ZNF407: variants seen among roughly 807,000 people sequenced by gnomAD.
The protein encoded by ZNF407 is zinc finger protein 407.
ZNF407 carries 17 observed loss-of-function variants against 131.2 expected under a neutral mutation model. That is an observed-to-expected ratio of 0.13 (90% CI 0.09 to 0.19). The LOEUF is 0.19. ZNF407 is among the 10% of genes least tolerant of loss of function. The pLI is 1.00. For missense variants in ZNF407, 2,681 were observed against 2,830.6 expected (o/e 0.95, Z 1.20); for synonymous variants, 1,156 against 1,062.0 (o/e 1.09, Z -1.72).
Position 74,817,305 on chromosome 18 carries a change from G to A in ZNF407, c.4877+35803G>A, listed in dbSNP as rs571097231. 3.3e-5 allele frequency among the ~76,000 whole-genome samples: 5 copies of A among 152,192 alleles called. No individual in the cohort carries two copies. In the East Asian group the frequency reaches 9.7e-4, roughly 29 times the overall value. ...CTATAGTCCTGTTGTTTTTCTTATT[G>A]TGTCTGAATGATGTCTGAATACAAA... On this transcript the variant is annotated intron_variant, in intron 4 of 8. Coordinates refer to ENST00000299687, the MANE Select transcript of ZNF407 (RefSeq NM_017757.3).
At chr18:74,709,156 A>G (rs1029197711) in intron 3 of ZNF407, among the ~76,000 whole-genome samples, 1 of 152,228 alleles carries the variant, frequency 6.6e-6, no homozygotes, top group Non-Finnish European at 1.5e-5. Flanking sequence ...TAAAACAAAT[A>G]AAATATCAAG....
chr18:74,922,805 C>G (rs4891200), intron 8 of ZNF407, among the ~76,000 whole-genome samples: 24,352 of 152,088 alleles, frequency 0.16, 2,231 homozygotes, highest in Admixed American at 0.27. Flanking sequence ...ATGAACTATC[C>G]CTAGTCCCTG....
At chr18:74,887,484 A>G (rs987568301) in intron 6 of ZNF407, among the ~76,000 whole-genome samples, 2 of 152,144 alleles carry the variant, frequency 1.3e-5, no homozygotes, top group Non-Finnish European at 2.9e-5. Context: ...AAGTCAAACA[A>G]ATATTTCCTG....
At chr18:74,800,330 G>A (rs2848880) in intron 4 of ZNF407, among the ~76,000 whole-genome samples, 1 of 152,002 alleles carries the variant, frequency 6.6e-6, no homozygotes, top group African/African-American at 2.4e-5. Context: ...TTGCTGATTA[G>A]ATTGTACTCT....
intron 3 of ZNF407, among the ~76,000 whole-genome samples, chr18:74,700,816 C>G (rs1016100772): frequency 3.3e-5 from 5 of 152,060 alleles, no homozygotes; most frequent in African/African-American, 1.2e-4. Flanking sequence ...GCTTCTGGAA[C>G]CTGTTCTTTT....
chr18:74,884,472 CAA>C (rs1971281045), intron 6 of ZNF407, among the ~76,000 whole-genome samples: 1 of 152,132 alleles, frequency 6.6e-6, no homozygotes, highest in Admixed American at 6.5e-5. Flanking sequence ...CTTAAGCTAT[CAA>C]GAGCTCAGAT....
chr18:74,819,718 G>A (rs914550039), intron 4 of ZNF407, among the ~76,000 whole-genome samples: 1 of 152,208 alleles, frequency 6.6e-6, no homozygotes, highest in East Asian at 1.9e-4. Flanking sequence ...ACCGAAACGT[G>A]TAGGTGGTCT....
At chr18:74,900,247 GT>G (rs1313311426) in intron 7 of ZNF407, among the ~76,000 whole-genome samples, 5 of 152,122 alleles carry the variant, frequency 3.3e-5, no homozygotes, top group African/African-American at 4.8e-5. Context: ...CTATTGTCCT[GT>G]GGGTCGTCTC....
chr18:74,959,339 C>A (rs1342074465), intron 8 of ZNF407, among the ~76,000 whole-genome samples: 1 of 152,172 alleles, frequency 6.6e-6, no homozygotes, highest in Admixed American at 6.6e-5. Flanking sequence ...ATAAAAACTT[C>A]CTTTCTACTG....
intron 3 of ZNF407, among the ~76,000 whole-genome samples, chr18:74,669,464 C>T (rs2089059523): frequency 1.3e-5 from 2 of 152,162 alleles, no homozygotes; most frequent in Admixed American, 1.3e-4. Context: ...CTTAGGGTAG[C>T]GTTCCCAATC....
chr18:74,705,182 C>G (rs1250884267), intron 3 of ZNF407, among the ~76,000 whole-genome samples: 1 of 150,530 alleles, frequency 6.6e-6, no homozygotes, highest in Admixed American at 6.6e-5. Flanking sequence ...GTCCAACAGG[C>G]TGATAAGGTA....
At chr18:74,757,148 A>G (rs149248916) in intron 3 of ZNF407, among the ~76,000 whole-genome samples, 56 of 151,910 alleles carry the variant, frequency 3.7e-4, no homozygotes, top group African/African-American at 1.3e-3. Context: ...TTGCTTTTCT[A>G]GTTTTAGTTA....
chr18:74,809,977 C>T (rs1007413496), intron 4 of ZNF407, among the ~76,000 whole-genome samples: 2 of 152,118 alleles, frequency 1.3e-5, no homozygotes, highest in East Asian at 3.9e-4. Flanking sequence ...TGTGATGGTG[C>T]CTTTAACTGA....
intron 2 of ZNF407, among the ~76,000 whole-genome samples, chr18:74,639,411 G>A (rs1984607000): frequency 6.6e-6 from 1 of 152,136 alleles, no homozygotes; most frequent in Non-Finnish European, 1.5e-5. Context: ...TAAAGTGTTG[G>A]TAAATTGGTT....
chr18:74,754,957 C>T (rs542748575), intron 3 of ZNF407, among the ~76,000 whole-genome samples: 1 of 152,270 alleles, frequency 6.6e-6, no homozygotes, highest in South Asian at 2.1e-4. Flanking sequence ...GTGTTAAAGT[C>T]TCCCATTATT....
intron 4 of ZNF407, among the ~76,000 whole-genome samples, chr18:74,866,341 T>A (rs1162502177): frequency 6.6e-6 from 1 of 152,198 alleles, no homozygotes; most frequent in Non-Finnish European, 1.5e-5. Context: ...GGGTAATACA[T>A]CTCAACCTTT....
chr18:74,882,523 A>G (rs574582001), intron 6 of ZNF407, among the ~76,000 whole-genome samples: 1 of 152,354 alleles, frequency 6.6e-6, no homozygotes, highest in South Asian at 2.1e-4. Flanking sequence ...TCTGTGCCCA[A>G]TATGGCATTT....
chr18:75,002,217 T>C (rs1317053871), intron 8 of ZNF407, among the ~76,000 whole-genome samples: 1 of 152,236 alleles, frequency 6.6e-6, no homozygotes, highest in Non-Finnish European at 1.5e-5. Context: ...AGTTTGACTG[T>C]TAGAGCTCCT....
rs1003768424 is a variant in ZNF407 at position 74,695,444 on chromosome 18, A to AT, written c.4802+54331dup. ...TGGTTAATGTGCACCAGCTAAGACTATTTTTTTTTCCTTCTTCATTCTTCC... is the reference window on the plus strand; with the variant it reads ...TGGTTAATGTGCACCAGCTAAGACTATTTTTTTTTTCCTTCTTCATTCTTCC... On this transcript the variant is annotated intron_variant, in intron 3 of 8. Coordinates refer to ENST00000299687, the MANE Select transcript of ZNF407 (RefSeq NM_017757.3). 8.5e-4 allele frequency among the ~76,000 whole-genome samples: 122 copies of AT among 144,048 alleles called. 1 individual carries two copies. Among genetic ancestry groups the AT allele is most frequent in the African/African-American group, 2.8e-3 (108 of 38,804 alleles). The allele number at this position is 144,048 out of a possible 152,430, so 94.5% of individuals were successfully genotyped here. A position where few individuals can be genotyped will look rare whatever the true frequency, so the allele number is the denominator to read the frequency against.
Sources: gnomAD v4.1 joint callset for allele counts (sites outside exome capture counted in the v4.1 genomes callset) on GRCh38, gnomAD v4.1.1 for gene constraint, MANE v1.5 for transcripts, NCBI Gene and HGNC (gene_info 2026-07-23, HGNC 2026-07-21) for gene names.